MARK2: variants seen among roughly 807,000 people sequenced by gnomAD.
The protein encoded by MARK2 is serine/threonine-protein kinase MARK2.
A neutral mutation model predicts 89.8 loss-of-function variants in MARK2; 16 were observed. That is an observed-to-expected ratio of 0.18 (90% confidence interval 0.12 to 0.27). The LOEUF (loss-of-function observed/expected upper bound fraction) is 0.27. Ranked by LOEUF, MARK2 falls within the 10% of genes least tolerant of loss-of-function variation. MARK2 has a pLI of 1.00. For missense variants in MARK2, 621 were observed against 1,049.9 expected (o/e 0.59, Z 5.65); for synonymous variants, 382 against 399.5 (o/e 0.96, Z 0.52).
At chr11:63,871,493 T>G (rs1245054927) in intron 1 of MARK2, among the ~76,000 whole-genome samples, 1 of 151,390 alleles carries the variant, frequency 6.6e-6, no homozygotes, top group Non-Finnish European at 1.5e-5. Context: ...CTGAAGAGTA[T>G]TCACTGTGTG....
chr11:63,881,593 G>A lies in MARK2; in HGVS notation c.55-13566G>A, dbSNP rs192617954. The stretch of plus-strand genomic sequence containing the variant: ...GGCACTGAGGGTATATGAAGGTGAG[G>A]GAGATACTGGCTCTCATCTGTCAGA... On this transcript the variant is annotated intron_variant, in intron 1 of 18. Transcript: ENST00000402010. 2.0e-4 allele frequency among the ~76,000 whole-genome samples: 31 copies of A among 152,196 alleles called. No homozygotes were observed. In the East Asian group the frequency reaches 5.8e-3, roughly 28 times the overall value.
At chr11:63,874,156 C>T (rs1565114295) in intron 1 of MARK2, among the ~76,000 whole-genome samples, 4 of 152,194 alleles carry the variant, frequency 2.6e-5, no homozygotes, top group Non-Finnish European at 4.4e-5. Flanking sequence ...GTCAGGTTGA[C>T]CCTCTGGTTA....
chr11:63,863,616 C>T (rs1436170612), intron 1 of MARK2, among the ~76,000 whole-genome samples: 2 of 151,850 alleles, frequency 1.3e-5, no homozygotes, highest in Non-Finnish European at 2.9e-5. Flanking sequence ...AGGCGCCTGC[C>T]ACCATACCTG....
chr11:63,905,426 GGCCA>G (rs1354592996), intron 16 of MARK2, among the ~76,000 whole-genome samples: 1 of 152,242 alleles, frequency 6.6e-6, no homozygotes, highest in Admixed American at 6.5e-5. Flanking sequence ...GCCAGGCTGG[GGCCA>G]GCAAGGAAAA....
chr11:63,906,148 TG>T, intron 17 of MARK2, 34 bp downstream of exon 17: 1 of 1,294,668 alleles, frequency 7.7e-7, no homozygotes. Context: ...TGTGTGTGTG[TG>T]TGTGTGTCTG....
intron 1 of MARK2, among the ~76,000 whole-genome samples, chr11:63,891,062 G>GTGTT (rs368950789): frequency 4.0e-5 from 6 of 151,488 alleles, no homozygotes; most frequent in African/African-American, 7.3e-5. Flanking sequence ...GGGGCTTTTT[G>GTGTT]TGTTTGTTTG....
At chr11:63,859,285 C>G (rs1352126056) in intron 1 of MARK2, among the ~76,000 whole-genome samples, 1 of 151,410 alleles carries the variant, frequency 6.6e-6, no homozygotes, top group East Asian at 1.9e-4. Context: ...GTTTCTTTTC[C>G]TTTTGTACTT....
chr11:63,857,706 A>G (rs1258698419), intron 1 of MARK2, among the ~76,000 whole-genome samples: 4 of 152,236 alleles, frequency 2.6e-5, no homozygotes, highest in African/African-American at 9.6e-5. Flanking sequence ...GATAGATAAA[A>G]TTCATATAAA....
rs201641908 is a variant in MARK2 at position 63,904,991 on chromosome 11, C to A, written c.1882C>A (p.Arg628=). The change falls in exon 16 of 19, where the codon CGG becomes AGG. Residue 628 remains arginine (R), a synonymous_variant. Coordinates refer to ENST00000402010, the MANE Select transcript of MARK2 (RefSeq NM_001039469.3). The surrounding 1 kb of genome is among the most constrained non-coding windows in gnomAD (Gnocchi z 6.3). ...ASPSGHSQGR[R]GASGSIFSKF... The stretch of plus-strand genomic sequence containing the variant: ...TCCCTCTGGCCACAGCCAGGGCCGG[C>A]GGGGGGCCTCTGGGAGCATCTTCAG... 6.2e-6 allele frequency: 10 copies of A among 1,611,882 alleles called. No homozygotes were observed. In the Admixed American group the frequency reaches 1.3e-4, roughly 22 times the overall value.
intron 1 of MARK2, among the ~76,000 whole-genome samples, 175 bp downstream of exon 1, chr11:63,839,735 G>T (rs999970085): frequency 1.3e-5 from 2 of 152,034 alleles, no homozygotes; most frequent in Non-Finnish European, 2.9e-5. Context: ...CCTGACCTGG[G>T]ACCCACCTCG....
chr11:63,898,151 A>G (rs1940573452), intron 3 of MARK2, 81 bp from the exon 4 acceptor site: 1 of 1,292,588 alleles, frequency 7.7e-7, no homozygotes, highest in Non-Finnish European at 1.1e-6. Context: ...TTTGGGAAAA[A>G]CAAATCCTGG....
chr11:63,890,720 T>G (rs1293322673), intron 1 of MARK2, among the ~76,000 whole-genome samples: 1 of 152,212 alleles, frequency 6.6e-6, no homozygotes, highest in Non-Finnish European at 1.5e-5. Context: ...GTTTTGACAG[T>G]GAGACTTCTG....
chr11:63,859,607 A>G (rs571367163), intron 1 of MARK2, among the ~76,000 whole-genome samples: 117 of 148,818 alleles, frequency 7.9e-4, no homozygotes, highest in African/African-American at 2.8e-3. Context: ...GCACAAGCCC[A>G]TGCCTGGGCT....
At chr11:63,852,758 G>A (rs375062231) in intron 1 of MARK2, among the ~76,000 whole-genome samples, 1 of 151,836 alleles carries the variant, frequency 6.6e-6, no homozygotes, top group Non-Finnish European at 1.5e-5. Flanking sequence ...ACCTTACTGC[G>A]TCTTATGCGA....
intron 1 of MARK2, chr11:63,888,999 C>T: frequency 2.3e-6 from 3 of 1,330,158 alleles, no homozygotes; most frequent in Non-Finnish European, 3.0e-6. Context: ...AGGATTGCCT[C>T]CTCCTCTTTC....
intron 1 of MARK2, chr11:63,889,080 AAT>A: frequency 1.4e-6 from 1 of 698,994 alleles, no homozygotes; most frequent in Non-Finnish European, 2.2e-6. Flanking sequence ...CCAGCATAGT[AAT>A]ATTCATGGGA....
intron 18 of MARK2, 90 bp downstream of exon 18, chr11:63,908,394 T>G: frequency 8.9e-7 from 1 of 1,126,178 alleles, no homozygotes; most frequent in Non-Finnish European, 1.3e-6. Context: ...CACTTGGCTC[T>G]TCCTCCCGTG....
At chr11:63,856,349 T>C (rs1374890322) in intron 1 of MARK2, among the ~76,000 whole-genome samples, 2 of 147,884 alleles carry the variant, frequency 1.4e-5, no homozygotes, top group Non-Finnish European at 3.0e-5. Context: ...AATATATGGC[T>C]TGTTTATTCT....
At chr11:63,861,543 G>A (rs1937780718) in intron 1 of MARK2, among the ~76,000 whole-genome samples, 2 of 152,184 alleles carry the variant, frequency 1.3e-5, no homozygotes, top group Admixed American at 6.6e-5. Context: ...CATTAATCTG[G>A]TCCAAGTCAT....
Sources: gnomAD v4.1 joint callset for allele counts (sites outside exome capture counted in the v4.1 genomes callset) on GRCh38, gnomAD v4.1.1 for gene constraint, Gnocchi (gnomAD v3.1) non-coding constraint, MANE v1.5 for transcripts, NCBI Gene and HGNC (gene_info 2026-07-23, HGNC 2026-07-21) for gene names.